Variants in ANKRD11 observed in about 807,000 individuals in gnomAD.
ANKRD11 encodes ankyrin repeat domain 11, also known as ankyrin repeat domain-containing protein 11.
ANKRD11 carries 17 observed loss-of-function variants against 195.7 expected under a neutral mutation model. That is an observed-to-expected ratio of 0.09 (90% CI 0.06 to 0.13). The LOEUF is 0.13. Ranked by LOEUF, ANKRD11 falls within the 10% of genes least tolerant of loss-of-function variation. The pLI, the probability that ANKRD11 is intolerant of heterozygous loss-of-function variation, is 1.00. For synonymous variants in ANKRD11, 1,953 were observed against 1,528.1 expected, an observed-to-expected ratio of 1.28 and a Z score of -6.49; for missense variants, 3,735 against 3,566.1, an observed-to-expected ratio of 1.05 and a Z score of -1.21.
At chr16:89,406,009 C>T (rs2041892333) in intron 2 of ANKRD11, among the ~76,000 whole-genome samples, 2 of 150,876 alleles carry the variant, frequency 1.3e-5, no homozygotes, top group Admixed American at 1.3e-4. Context: ...ACTCAGGAGG[C>T]TGAGGTGGGA....
intron 2 of ANKRD11, among the ~76,000 whole-genome samples, chr16:89,389,786 C>T (rs979879040): frequency 3.5e-5 from 5 of 144,264 alleles, no homozygotes; most frequent in African/African-American, 1.3e-4. Flanking sequence ...GGGGCAAACA[C>T]CGAGTGTGGC....
intron 2 of ANKRD11, among the ~76,000 whole-genome samples, chr16:89,341,376 T>C (rs1450010466): frequency 6.6e-6 from 1 of 152,236 alleles, no homozygotes; most frequent in Non-Finnish European, 1.5e-5. Context: ...CAGGGCAATC[T>C]GCAGATTCTC....
In ANKRD11 at chr16:89,280,933, G is replaced by A. The variant is rs864309571; in HGVS notation, c.5609C>T (p.Ala1870Val). 3 of 1,591,582 alleles carry A rather than the reference G, an allele frequency of 1.9e-6. No homozygotes were observed. Among genetic ancestry groups the A allele is most frequent in the Non-Finnish European group, 8.6e-7 (1 of 1,165,934 alleles). ...PKVDALHCPP[A>V]AVVTVTPSPE... The stretch of plus-strand genomic sequence containing the variant: ...AGACGGGGTGACAGTGACAACGGCA[G>A]CCGGTGGGCAGTGCAAAGCGTCGAC... Residue 1870 changes from alanine (A) to valine (V), a missense_variant, in exon 9 of 13, where the codon GCT (alanine) becomes GTT (valine). Transcript: ENST00000301030.
intron 2 of ANKRD11, among the ~76,000 whole-genome samples, chr16:89,391,483 G>A (rs899783399): frequency 1.3e-5 from 2 of 152,172 alleles, no homozygotes; most frequent in African/African-American, 4.8e-5. Context: ...CCTGCTGCTG[G>A]GCAGAAAGCC....
chr16:89,288,487 C>T (rs752125014), intron 7 of ANKRD11, 41 bp downstream of exon 7: 3 of 1,613,858 alleles, frequency 1.9e-6, no homozygotes, highest in South Asian at 2.2e-5. Flanking sequence ...CACCCAGATG[C>T]CAGGACAGGC....
chr16:89,477,418 C>T (rs1484168113), intron 1 of ANKRD11, among the ~76,000 whole-genome samples: 1 of 151,938 alleles, frequency 6.6e-6, no homozygotes, highest in Non-Finnish European at 1.5e-5. Flanking sequence ...TGCAGTGGTG[C>T]GATTCTGGCT....
chr16:89,373,904 A>T (rs1475958768), intron 2 of ANKRD11, among the ~76,000 whole-genome samples: 1 of 152,198 alleles, frequency 6.6e-6, no homozygotes, highest in Admixed American at 6.5e-5. Context: ...GAGTCTTGGC[A>T]GGCGGTCCAC....
At position 89,387,253 on chromosome 16, in the gene ANKRD11, A is replaced by G. The variant is rs191118225; in HGVS notation, c.-60+31031T>C. Among the ~76,000 whole-genome samples, 40 of 151,874 alleles carry G rather than the reference A, an allele frequency of 2.6e-4. 1 individual carries two copies. The highest frequency in any genetic ancestry group is 2.3e-3 in the Admixed American group (35 of 15,268). ...TTAAAAAAAAAAAAAGCATCTCTCA[A>G]GGGAGAGGCCTGAATGGTGGGAGTG... On this transcript the variant is annotated intron_variant, in intron 2 of 12. Coordinates refer to ENST00000301030, the MANE Select transcript of ANKRD11 (RefSeq NM_013275.6).
At chr16:89,306,853 C>G (rs1597564421) in intron 3 of ANKRD11, among the ~76,000 whole-genome samples, 2 of 140,382 alleles carry the variant, frequency 1.4e-5, no homozygotes, top group South Asian at 2.3e-4. Context: ...ACCTCCCACT[C>G]CGCAGACACG....
At chr16:89,293,841 G>T (rs1302370681) in intron 4 of ANKRD11, among the ~76,000 whole-genome samples, 5 of 152,098 alleles carry the variant, frequency 3.3e-5, no homozygotes, top group African/African-American at 7.2e-5. Context: ...GTTATCAAAG[G>T]ACCCTAGGAG....
At position 89,280,459 on chromosome 16, in the gene ANKRD11, G is replaced by A. The variant is rs1387729666; in HGVS notation, c.6083C>T (p.Pro2028Leu). The change falls in exon 9 of 13, where the codon CCC (proline) becomes CTC (leucine). Residue 2028 changes from proline (P) to leucine (L), a missense_variant. By Grantham distance (98) the Pro-to-Leu change is moderately conservative. Transcript: ENST00000301030. ...GTCCTCCAGCCCCGGCTCAGCGACG[G>A]GCAGAGCGTACGGGGCAGGAGAGGC... is the stretch of plus-strand genomic sequence containing the variant. Reference protein sequence around the residue: ...PPASPAPYALPVAEPGLEDVK... With the variant: ...PPASPAPYALLVAEPGLEDVK... The A allele has an allele frequency of 2.3e-5, 37 of 1,595,278 alleles. No individual in the cohort carries two copies. The Admixed American group carries it at 6.2e-4, about 27-fold the overall frequency.
At chr16:89,336,623 G>A (rs1343318603) in intron 2 of ANKRD11, among the ~76,000 whole-genome samples, 1 of 152,134 alleles carries the variant, frequency 6.6e-6, no homozygotes, top group South Asian at 2.1e-4. Flanking sequence ...TTGTAAGGAC[G>A]GAAAGCCACC....
chr16:89,352,746 G>C (rs987997840), intron 2 of ANKRD11, among the ~76,000 whole-genome samples: 1 of 152,214 alleles, frequency 6.6e-6, no homozygotes, highest in Non-Finnish European at 1.5e-5. Flanking sequence ...CTCTGAAAAT[G>C]TGTGTGCTCA....
chr16:89,362,446 G>C (rs543548463), intron 2 of ANKRD11, among the ~76,000 whole-genome samples: 7 of 152,332 alleles, frequency 4.6e-5, no homozygotes, highest in African/African-American at 1.7e-4. Context: ...ACAGAATGAA[G>C]TGAACAGCAC....
Position 89,490,450 on chromosome 16 carries a change from C to A in ANKRD11, c.-350G>T, listed in dbSNP as rs1277055175. ...GGCGCGCCCACGGCTCGGGCGAGAG[C>A]CGCGGCTCCCGGTGCGGACGCTACT... On this transcript the variant is annotated 5_prime_UTR_variant, in exon 1 of 13. Coordinates refer to ENST00000301030, the MANE Select transcript of ANKRD11 (RefSeq NM_013275.6). 2 of 368,892 alleles carry A rather than the reference C, an allele frequency of 5.4e-6. No individual in the cohort carries two copies. The highest frequency in any genetic ancestry group is 4.9e-6 in the Non-Finnish European group (1 of 205,964). 22.9% of individuals were successfully genotyped at this position (368,892 alleles called of 1,614,324 possible).
intron 3 of ANKRD11, among the ~76,000 whole-genome samples, chr16:89,307,767 C>T (rs563168699): frequency 3.5e-4 from 53 of 152,232 alleles, no homozygotes; most frequent in Non-Finnish European, 5.6e-4. Flanking sequence ...GGTCGGGGAA[C>T]GCCAGGAAAG....
chr16:89,397,404 T>A (rs985663863), intron 2 of ANKRD11, among the ~76,000 whole-genome samples: 2 of 152,180 alleles, frequency 1.3e-5, no homozygotes, highest in Non-Finnish European at 2.9e-5. Context: ...GCTTTCCGTG[T>A]CCTCAGTGAT....
intron 2 of ANKRD11, chr16:89,360,509 C>A (rs766730799): frequency 9.2e-5 from 14 of 152,178 alleles, no homozygotes; most frequent in Admixed American, 2.6e-4. Flanking sequence ...GATTAAAAAA[C>A]CATGGATTAT....
At chr16:89,425,690 T>TTA (rs2042689021) in intron 1 of ANKRD11, among the ~76,000 whole-genome samples, 1 of 152,164 alleles carries the variant, frequency 6.6e-6, no homozygotes, top group South Asian at 2.1e-4. Context: ...CAGTTATTTG[T>TTA]TTCCTGTTTC....
Sources: allele counts gnomAD v4.1 joint callset (sites outside exome capture counted in the v4.1 genomes callset), GRCh38; gene constraint gnomAD v4.1.1; transcripts MANE v1.5; gene names NCBI Gene and HGNC (gene_info 2026-07-23, HGNC 2026-07-21).